The following SEPTIN9 variants were observed in gnomAD, a reference collection of about 807,000 sequenced individuals.
The protein encoded by SEPTIN9 is septin-9.
A neutral mutation model predicts 56.6 loss-of-function variants in SEPTIN9; 13 were observed. The ratio of observed to expected loss-of-function variants is 0.23; its 90% confidence interval spans 0.15 to 0.37. The LOEUF is 0.37. Among genes scored for constraint, SEPTIN9 ranks in the 10% least tolerant of loss-of-function variants. The probability of loss-of-function intolerance (pLI) is 1.00; values close to 1 mark genes in which losing one functional copy is unlikely to be tolerated. For synonymous variants in SEPTIN9, 332 were observed against 334.1 expected, an observed-to-expected ratio of 0.99 and a Z score of 0.07; for missense variants, 650 against 823.1, an observed-to-expected ratio of 0.79 and a Z score of 2.57.
chr17:77,448,761 T>G (rs1414991328), intron 3 of SEPTIN9, among the ~76,000 whole-genome samples: 1 of 152,202 alleles, frequency 6.6e-6, no homozygotes, highest in Admixed American at 6.5e-5. Flanking sequence ...TCTTACATTT[T>G]TTAATGATTT....
intron 2 of SEPTIN9, among the ~76,000 whole-genome samples, chr17:77,392,354 G>C (rs568763969): frequency 6.6e-6 from 1 of 152,274 alleles, no homozygotes; most frequent in East Asian, 1.9e-4. Flanking sequence ...TCTTCCCTGG[G>C]TGCTGACCCC....
At chr17:77,494,854 A>C (rs2040184263) in intron 10 of SEPTIN9, among the ~76,000 whole-genome samples, 1 of 151,174 alleles carries the variant, frequency 6.6e-6, no homozygotes, top group African/African-American at 2.4e-5. Flanking sequence ...CCCTGTCTGC[A>C]CTCCTCCCCT....
chr17:77,371,555 T>C lies in SEPTIN9; in HGVS notation c.77-30504T>C, dbSNP rs549381496. Among the ~76,000 whole-genome samples the C allele has an allele frequency of 3.9e-5, 6 of 152,260 alleles. No individual in the cohort carries two copies. The South Asian group carries it at 1.2e-3, about 32-fold the overall frequency. ...CATCTTCCCAGGGGGGCTGTGTTGTTGGGCTGAGTTTCTTAGGTACTGGAC... is the reference window on the plus strand; with the variant it reads ...CATCTTCCCAGGGGGGCTGTGTTGTCGGGCTGAGTTTCTTAGGTACTGGAC... On this transcript the variant is annotated intron_variant, in intron 2 of 11. Coordinates refer to ENST00000427177, the MANE Select transcript of SEPTIN9 (RefSeq NM_001113491.2). The surrounding 1 kb of genome is among the most constrained non-coding windows in gnomAD (Gnocchi z 4.1).
intron 3 of SEPTIN9, among the ~76,000 whole-genome samples, chr17:77,417,969 T>A (rs1450369934): frequency 6.6e-6 from 1 of 152,148 alleles, no homozygotes; most frequent in African/African-American, 2.4e-5. Flanking sequence ...GGGCACACAG[T>A]CCAGTGGCGG....
intron 3 of SEPTIN9, among the ~76,000 whole-genome samples, chr17:77,462,227 G>A (rs780295274): frequency 9.2e-5 from 14 of 152,184 alleles, no homozygotes; most frequent in African/African-American, 7.2e-5. Context: ...CAGAGAAACC[G>A]TTAGCCTGAG....
rs373831207 is a variant in SEPTIN9, at chr17:77,499,294, C to G, written c.*636C>G. ...CTCCTGGAGCAGAAAGTGCCTTTAT[C>G]TCAGCCATCCGCAGACTGCTTGGCC... On this transcript the variant is annotated 3_prime_UTR_variant, in exon 12 of 12. Transcript: ENST00000427177. 23 of 597,974 alleles carry G rather than the reference C, an allele frequency of 3.8e-5. No homozygotes were observed. The highest frequency in any genetic ancestry group is 7.4e-5 in the Non-Finnish European group (23 of 309,084). The allele number at this position is 597,974 out of a possible 1,614,324, so 37.0% of individuals were successfully genotyped here. A position where few individuals can be genotyped will look rare whatever the true frequency, so the allele number is the denominator to read the frequency against.
intron 1 of SEPTIN9, among the ~76,000 whole-genome samples, chr17:77,297,407 C>G (rs983494610): frequency 2.0e-5 from 3 of 152,166 alleles, no homozygotes; most frequent in African/African-American, 7.2e-5. Flanking sequence ...AGGATCTTTA[C>G]CACTCAGCCC....
intron 3 of SEPTIN9, among the ~76,000 whole-genome samples, chr17:77,417,966 C>T (rs758859666): frequency 3.9e-5 from 6 of 152,220 alleles, no homozygotes; most frequent in Non-Finnish European, 8.8e-5. Flanking sequence ...CCTGGGCACA[C>T]AGTCCAGTGG....
chr17:77,340,163 C>T (rs2033682393), intron 2 of SEPTIN9, among the ~76,000 whole-genome samples: 1 of 151,194 alleles, frequency 6.6e-6, no homozygotes, highest in Non-Finnish European at 1.5e-5. Flanking sequence ...CAAATTGAGA[C>T]AGAGTCTCCC....
chr17:77,476,736 C>T lies in SEPTIN9; in HGVS notation c.722-5408C>T. On this transcript the variant is annotated intron_variant, in intron 3 of 11. Coordinates refer to ENST00000427177, the MANE Select transcript of SEPTIN9 (RefSeq NM_001113491.2). The surrounding 1 kb of genome is among the most constrained non-coding windows in gnomAD (Gnocchi z 6.0). Reference sequence around the variant, plus strand: ...GAGAAACTGTCAAGGTCTCCCGCCACCTGACACCTCCGCCTGGCTGCCACC... The same window carrying T: ...GAGAAACTGTCAAGGTCTCCCGCCATCTGACACCTCCGCCTGGCTGCCACC... 6.6e-6 allele frequency among the ~76,000 whole-genome samples: 1 copy of T among 152,228 alleles called. No individual in the cohort carries two copies. Among genetic ancestry groups the T allele is most frequent in the Non-Finnish European group, 1.5e-5 (1 of 68,032 alleles).
At chr17:77,356,229 C>G (rs542062596) in intron 2 of SEPTIN9, among the ~76,000 whole-genome samples, 11 of 152,112 alleles carry the variant, frequency 7.2e-5, no homozygotes, top group African/African-American at 2.7e-4. Flanking sequence ...GTGCCCAGCC[C>G]GCACCGCGAG....
At chr17:77,410,172 G>A (rs1303432167) in intron 3 of SEPTIN9, among the ~76,000 whole-genome samples, 2 of 152,148 alleles carry the variant, frequency 1.3e-5, no homozygotes. Context: ...CCAGGAAGGG[G>A]TTAAAGTGGA....
chr17:77,285,691 GCCCAGCCACT>G lies in SEPTIN9; in HGVS notation c.19+4139_19+4148del, dbSNP rs528727722. Reference sequence around the variant, plus strand: ...TGGGATCACAGGCATGAGCCACCGTGCCCAGCCACTCTGGAGTTTCTCTGTGGCTTTCAGG... The same window carrying G: ...TGGGATCACAGGCATGAGCCACCGTGCTGGAGTTTCTCTGTGGCTTTCAGG... On this transcript the variant is annotated intron_variant, in intron 1 of 11. Coordinates refer to ENST00000427177, the MANE Select transcript of SEPTIN9 (RefSeq NM_001113491.2). Among the ~76,000 whole-genome samples the G allele has an allele frequency of 2.1e-3, 316 of 152,328 alleles. 1 individual carries two copies. The highest frequency in any genetic ancestry group is 7.1e-3 in the African/African-American group (297 of 41,574).
intron 3 of SEPTIN9, among the ~76,000 whole-genome samples, chr17:77,426,797 G>A (rs1458874619): frequency 6.6e-6 from 1 of 152,156 alleles, no homozygotes; most frequent in Non-Finnish European, 1.5e-5. Context: ...ATGCCCTCTG[G>A]GAGGGCAGGG....
chr17:77,294,206 G>A (rs1460246108), intron 1 of SEPTIN9, among the ~76,000 whole-genome samples: 1 of 152,052 alleles, frequency 6.6e-6, no homozygotes. Context: ...ATCACTTGAG[G>A]TCAGGAGTTT....
intron 3 of SEPTIN9, among the ~76,000 whole-genome samples, chr17:77,439,251 A>T (rs1340584219): frequency 6.6e-6 from 1 of 152,146 alleles, no homozygotes; most frequent in Admixed American, 6.5e-5. Flanking sequence ...CAACAGCAGC[A>T]TTGGCAGGGG....
At chr17:77,473,479 C>T (rs1391580055) in intron 3 of SEPTIN9, among the ~76,000 whole-genome samples, 2 of 152,142 alleles carry the variant, frequency 1.3e-5, no homozygotes, top group Non-Finnish European at 1.5e-5. Context: ...ACGATCCTCC[C>T]GCCTCGGCCT....
rs2037307479 is a variant in SEPTIN9, at chr17:77,435,592, A to G, written c.721+32889A>G. Among the ~76,000 whole-genome samples the G allele has an allele frequency of 1.3e-5, 2 of 152,318 alleles. No individual in the cohort carries two copies. The highest frequency in any genetic ancestry group is 4.1e-4 in the South Asian group (2 of 4,832). ...GAGGTGCCAGTGGTCACTCATCAGCACAGCCCAGTCTCACACATGTCACTC... is the reference window on the plus strand; with the variant it reads ...GAGGTGCCAGTGGTCACTCATCAGCGCAGCCCAGTCTCACACATGTCACTC... On this transcript the variant is annotated intron_variant, in intron 3 of 11. Coordinates refer to ENST00000427177, the MANE Select transcript of SEPTIN9 (RefSeq NM_001113491.2). This position sits in a 1 kb window ranked among gnomAD's most constrained non-coding sequence, Gnocchi z 4.5.
At chr17:77,393,948 A>C (rs1251295134) in intron 2 of SEPTIN9, among the ~76,000 whole-genome samples, 1 of 152,170 alleles carries the variant, frequency 6.6e-6, no homozygotes, top group Non-Finnish European at 1.5e-5. Flanking sequence ...ACTGAGGCTC[A>C]GAGTAGACTG....
Sources: gnomAD v4.1 joint callset for allele counts (sites outside exome capture counted in the v4.1 genomes callset) on GRCh38, gnomAD v4.1.1 for gene constraint, Gnocchi (gnomAD v3.1) non-coding constraint, MANE v1.5 for transcripts, NCBI Gene and HGNC (gene_info 2026-07-23, HGNC 2026-07-21) for gene names.